The following RAB10 variants were observed in gnomAD, a reference collection of about 807,000 sequenced individuals.
RAB10 encodes ras-related protein Rab-10.
RAB10 carries 5 observed loss-of-function variants against 25.7 expected under a neutral mutation model. The observed-to-expected ratio is 0.19, with a 90% confidence interval of 0.10 to 0.41. RAB10 has a LOEUF of 0.41. Among genes scored for constraint, RAB10 ranks in the 10% least tolerant of loss-of-function variants. The probability of loss-of-function intolerance (pLI) is 1.00; values close to 1 mark genes in which losing one functional copy is unlikely to be tolerated. For synonymous variants in RAB10, 89 were observed against 86.4 expected (o/e 1.03, Z -0.16); for missense variants, 103 against 245.8 (o/e 0.42, Z 3.89).
chr2:26,117,726 C>T (rs1055999532), intron 3 of RAB10, among the ~76,000 whole-genome samples: 2 of 151,546 alleles, frequency 1.3e-5, no homozygotes, highest in African/African-American at 4.9e-5. Flanking sequence ...GTGAGAGGAG[C>T]GACTTTAAAC....
intron 2 of RAB10, among the ~76,000 whole-genome samples, chr2:26,107,791 T>A: frequency 6.7e-6 from 1 of 148,840 alleles, no homozygotes; most frequent in Non-Finnish European, 1.5e-5. Context: ...ATCGAAACTC[T>A]ATCTCAAAAA....
chr2:26,043,889 A>G (rs1395225070), intron 1 of RAB10, among the ~76,000 whole-genome samples: 1 of 152,238 alleles, frequency 6.6e-6, no homozygotes, highest in Non-Finnish European at 1.5e-5. Context: ...TTTGAAATGC[A>G]TGAAAAGACA....
At chr2:26,134,683 G>A (rs761515121) in intron 5 of RAB10, among the ~76,000 whole-genome samples, 1 of 152,174 alleles carries the variant, frequency 6.6e-6, no homozygotes, top group Non-Finnish European at 1.5e-5. Flanking sequence ...AAGAGTTAGA[G>A]CTGAGAAGAT....
chr2:26,047,723 GT>G (rs34517359), intron 1 of RAB10, among the ~76,000 whole-genome samples: 25 of 107,862 alleles, frequency 2.3e-4, no homozygotes, highest in Admixed American at 3.5e-4. Context: ...TGCCTGGCCT[GT>G]TTTTTTTTTT....
chr2:26,087,925 C>T (rs1016308002), intron 1 of RAB10, among the ~76,000 whole-genome samples: 1 of 152,152 alleles, frequency 6.6e-6, no homozygotes, highest in East Asian at 1.9e-4. Context: ...GATAAAGAAA[C>T]AAATACCCAT....
intron 3 of RAB10, among the ~76,000 whole-genome samples, chr2:26,126,691 A>T (rs1667909537): frequency 6.6e-6 from 1 of 152,184 alleles, no homozygotes; most frequent in South Asian, 2.1e-4. Context: ...GGGGACAACC[A>T]CTTGTTTTTA....
At chr2:26,104,825 C>T (rs1216710907) in intron 2 of RAB10, among the ~76,000 whole-genome samples, 4 of 151,050 alleles carry the variant, frequency 2.6e-5, no homozygotes, top group Non-Finnish European at 5.9e-5. Flanking sequence ...GCAAGCTCTG[C>T]CTCCTGGGTT....
chr2:26,108,638 TTAA>T (rs1435618771), intron 2 of RAB10, among the ~76,000 whole-genome samples: 2 of 151,730 alleles, frequency 1.3e-5, no homozygotes, highest in African/African-American at 4.8e-5. Context: ...CCCTGAAATC[TTAA>T]TAAGGTCTGT....
chr2:26,078,588 A>G lies in RAB10; in HGVS notation c.128-20074A>G, dbSNP rs1419710012. Among the ~76,000 whole-genome samples, 5 of 152,166 alleles carry G rather than the reference A, an allele frequency of 3.3e-5. No individual in the cohort carries two copies. In the South Asian group the frequency reaches 6.2e-4, roughly 19 times the overall value. ...ACTAGGGTGATTTCTGAGGTGATACATGTAATTGGAGTCTAGGAAAAGAGG... is the reference window on the plus strand; with the variant it reads ...ACTAGGGTGATTTCTGAGGTGATACGTGTAATTGGAGTCTAGGAAAAGAGG... On this transcript the variant is annotated intron_variant, in intron 1 of 5. Coordinates refer to ENST00000264710, the MANE Select transcript of RAB10 (RefSeq NM_016131.5).
chr2:26,071,448 G>T (rs1666624146), intron 1 of RAB10, among the ~76,000 whole-genome samples: 1 of 152,190 alleles, frequency 6.6e-6, no homozygotes, highest in African/African-American at 2.4e-5. Context: ...AACACTTTGG[G>T]AGGCCAAGGC....
intron 3 of RAB10, among the ~76,000 whole-genome samples, chr2:26,113,339 C>T (rs1024289958): frequency 1.3e-5 from 2 of 151,878 alleles, no homozygotes; most frequent in Admixed American, 6.6e-5. Flanking sequence ...TTTGGGAGGC[C>T]GAGGCAAGTG....
intron 1 of RAB10, among the ~76,000 whole-genome samples, chr2:26,064,241 G>A (rs796377574): frequency 2.6e-5 from 4 of 152,330 alleles, no homozygotes; most frequent in East Asian, 1.9e-4. Context: ...AGCCAAGGAT[G>A]TATAAGCACA....
intron 3 of RAB10, among the ~76,000 whole-genome samples, chr2:26,121,689 T>C (rs749433520): frequency 7.2e-5 from 11 of 152,206 alleles, no homozygotes; most frequent in Non-Finnish European, 1.5e-4. Context: ...AGATCTATTA[T>C]TAAAAGTTTA....
chr2:26,093,456 A>G (rs1205547838), intron 1 of RAB10, among the ~76,000 whole-genome samples: 1 of 152,204 alleles, frequency 6.6e-6, no homozygotes, highest in Non-Finnish European at 1.5e-5. Flanking sequence ...CATAATATAT[A>G]TTTAAGATTG....
intron 1 of RAB10, among the ~76,000 whole-genome samples, chr2:26,057,433 TAAA>T (rs779719282): frequency 3.2e-5 from 4 of 125,468 alleles, no homozygotes; most frequent in African/African-American, 9.2e-5. Context: ...AGACAGTCTC[TAAA>T]AAAAAAAAAA....
chr2:26,061,977 A>C (rs758580692), intron 1 of RAB10, among the ~76,000 whole-genome samples: 2 of 152,144 alleles, frequency 1.3e-5, no homozygotes, highest in Non-Finnish European at 2.9e-5. Context: ...TGAAACAGCA[A>C]AGTCTCTTAC....
intron 1 of RAB10, among the ~76,000 whole-genome samples, chr2:26,053,820 A>C (rs1443056432): frequency 6.6e-6 from 1 of 151,930 alleles, no homozygotes; most frequent in Non-Finnish European, 1.5e-5. Context: ...TCCGGGTTCA[A>C]GCGATTCTCC....
chr2:26,105,457 C>T (rs1037341020), intron 2 of RAB10, among the ~76,000 whole-genome samples: 47 of 152,146 alleles, frequency 3.1e-4, no homozygotes, highest in African/African-American at 1.1e-3. Flanking sequence ...TTGAGACCAG[C>T]CTGGCCAACA....
At chr2:26,102,439 C>CTTTTTT (rs562310195) in intron 2 of RAB10, among the ~76,000 whole-genome samples, 5 of 124,370 alleles carry the variant, frequency 4.0e-5, no homozygotes, top group African/African-American at 9.4e-5. Flanking sequence ...TTTTTTCTTT[C>CTTTTTT]TTTTTTTTTT....
Sources: gnomAD v4.1 joint callset for allele counts (sites outside exome capture counted in the v4.1 genomes callset) on GRCh38, gnomAD v4.1.1 for gene constraint, MANE v1.5 for transcripts, NCBI Gene and HGNC (gene_info 2026-07-23, HGNC 2026-07-21) for gene names.